PRELID2: variants seen among roughly 807,000 people sequenced by gnomAD.
PRELID2 encodes the protein PRELI domain containing 2.
Under a neutral mutation model 28.4 loss-of-function variants are expected in PRELID2, and 25 were observed. That is an observed-to-expected ratio of 0.88 (90% CI 0.64 to 1.23). The LOEUF (loss-of-function observed/expected upper bound fraction) is 1.23. Among genes scored for constraint, PRELID2 ranks in the 50% most tolerant of loss-of-function variants. The pLI is 0.00. For synonymous variants in PRELID2, 76 were observed against 71.6 expected, an observed-to-expected ratio of 1.06 and a Z score of -0.31; for missense variants, 201 against 214.4, an observed-to-expected ratio of 0.94 and a Z score of 0.39.
chr5:145,540,062 T>G (rs1743780412), intron 1 of PRELID2, among the ~76,000 whole-genome samples: 1 of 151,950 alleles, frequency 6.6e-6, no homozygotes, highest in South Asian at 2.1e-4. Flanking sequence ...TTTAAGAGTT[T>G]ATAGTGCCTT....
the PRELID2 span, among the ~76,000 whole-genome samples, chr5:145,262,418 T>C: frequency 2.4e-4 from 37 of 151,806 alleles, no homozygotes; most frequent in Non-Finnish European, 4.9e-4. Flanking sequence ...AGAAAAAAAA[T>C]ATTTAAGAGC....
chr5:145,683,136 G>C (rs1427353370), intron 1 of PRELID2, among the ~76,000 whole-genome samples: 1 of 152,106 alleles, frequency 6.6e-6, no homozygotes, highest in East Asian at 1.9e-4. Context: ...CTAGGTACTG[G>C]TGTCAGAAAG....
intron 1 of PRELID2, among the ~76,000 whole-genome samples, chr5:145,525,349 T>A (rs1752598151): frequency 6.6e-6 from 1 of 152,212 alleles, no homozygotes. Flanking sequence ...CTGATATATG[T>A]ATACACACAC....
intron 1 of PRELID2, 83 bp downstream of exon 1, chr5:145,835,094 A>T (rs1755848240): frequency 2.2e-5 from 21 of 950,854 alleles, no homozygotes; most frequent in Non-Finnish European, 2.9e-5. Context: ...TGGCGGTGCC[A>T]GCTTCCGCGT....
chr5:145,768,643 G>A (rs1757921442), intron 5 of PRELID2, among the ~76,000 whole-genome samples: 1 of 152,106 alleles, frequency 6.6e-6, no homozygotes, highest in South Asian at 2.1e-4. Context: ...TTTAAAATAA[G>A]AAAAGCACAC....
chr5:145,384,460 A>G, the PRELID2 span, among the ~76,000 whole-genome samples: 1 of 152,242 alleles, frequency 6.6e-6, no homozygotes, highest in African/African-American at 2.4e-5. Flanking sequence ...GCAACAATAT[A>G]TATGAATATT....
chr5:145,631,519 T>C (rs1236658788), intron 1 of PRELID2, among the ~76,000 whole-genome samples: 1 of 152,046 alleles, frequency 6.6e-6, no homozygotes, highest in Non-Finnish European at 1.5e-5. Context: ...AATAAGACAA[T>C]AGGTCATCAC....
At chr5:145,372,002 T>C in the PRELID2 span, among the ~76,000 whole-genome samples, 4 of 152,034 alleles carry the variant, frequency 2.6e-5, no homozygotes, top group Non-Finnish European at 4.4e-5. Flanking sequence ...TGGGATTAGT[T>C]TGTTCTTGCC....
chr5:145,816,374 G>A (rs983747887), intron 4 of PRELID2, among the ~76,000 whole-genome samples: 3 of 151,886 alleles, frequency 2.0e-5, no homozygotes, highest in African/African-American at 4.8e-5. Context: ...GAGTCACCAC[G>A]CCCAGCCTGT....
At chr5:145,229,476 C>G in the PRELID2 span, 2 of 991,354 alleles carry the variant, frequency 2.0e-6, no homozygotes, top group East Asian at 4.8e-5. Flanking sequence ...CCCAACACCC[C>G]TGACATTCTC....
chr5:145,408,149 C>T, the PRELID2 span, among the ~76,000 whole-genome samples: 12 of 152,130 alleles, frequency 7.9e-5, no homozygotes, highest in Middle Eastern at 3.4e-3. Flanking sequence ...AAATCTGAAC[C>T]GCAGCCCTTG....
intron 1 of PRELID2, among the ~76,000 whole-genome samples, chr5:145,513,200 G>A (rs555376246): frequency 1.3e-5 from 2 of 151,938 alleles, no homozygotes; most frequent in South Asian, 4.2e-4. Flanking sequence ...TGAGCTAAAG[G>A]AGCATGTTCT....
intron 1 of PRELID2, among the ~76,000 whole-genome samples, chr5:145,639,573 T>G (rs1355068903): frequency 6.6e-6 from 1 of 152,196 alleles, no homozygotes; most frequent in African/African-American, 2.4e-5. Flanking sequence ...CTTACAAACA[T>G]AGTACCTCAA....
At chr5:145,275,891 T>C in the PRELID2 span, among the ~76,000 whole-genome samples, 1 of 152,130 alleles carries the variant, frequency 6.6e-6, no homozygotes, top group Admixed American at 6.6e-5. Context: ...CAACTCTGCA[T>C]TTATCCTAAT....
At chr5:145,272,878 A>G in the PRELID2 span, among the ~76,000 whole-genome samples, 2 of 152,076 alleles carry the variant, frequency 1.3e-5, no homozygotes, top group South Asian at 2.1e-4. Flanking sequence ...AGACCTCACA[A>G]ATGGAAAGCT....
chr5:145,389,018 C>A, the PRELID2 span, among the ~76,000 whole-genome samples: 31,651 of 152,070 alleles, frequency 0.21, 3,567 homozygotes, highest in South Asian at 0.33. Context: ...AGTGCTAGCT[C>A]CTAATATTGT....
intron 1 of PRELID2, among the ~76,000 whole-genome samples, chr5:145,557,761 G>A (rs901150243): frequency 1.3e-5 from 2 of 152,192 alleles, no homozygotes; most frequent in African/African-American, 4.8e-5. Flanking sequence ...TTTTACAAAC[G>A]AGAAAACTGA....
chr5:145,437,798 G>A, the PRELID2 span, among the ~76,000 whole-genome samples: 2 of 152,058 alleles, frequency 1.3e-5, no homozygotes, highest in Non-Finnish European at 2.9e-5. Flanking sequence ...ACTGGATCAG[G>A]TGTGAGAACT....
At chr5:145,626,897 C>G (rs778019366) in intron 1 of PRELID2, among the ~76,000 whole-genome samples, 1 of 151,728 alleles carries the variant, frequency 6.6e-6, no homozygotes. Context: ...GTCAGGAGTT[C>G]GAGATCAGCC....
Sources: allele counts gnomAD v4.1 joint callset (sites outside exome capture counted in the v4.1 genomes callset), GRCh38; gene constraint gnomAD v4.1.1; transcripts MANE v1.5; gene names NCBI Gene and HGNC (gene_info 2026-07-23, HGNC 2026-07-21).